TGFBR3: variants seen among roughly 807,000 people sequenced by gnomAD.
TGFBR3 encodes the protein transforming growth factor beta receptor 3.
TGFBR3 carries 46 observed loss-of-function variants against 87.9 expected under a neutral mutation model. The observed-to-expected ratio is 0.52, with a 90% CI of 0.41 to 0.67. The LOEUF is 0.67. Among genes scored for constraint, TGFBR3 ranks in the 30% least tolerant of loss-of-function variants. The pLI is 0.00. For synonymous variants in TGFBR3, 381 were observed against 391.6 expected, an observed-to-expected ratio of 0.97 and a Z score of 0.32; for missense variants, 866 against 1,041.9, an observed-to-expected ratio of 0.83 and a Z score of 2.32.
At chr1:91,754,420 A>G (rs1052584983) in intron 4 of TGFBR3, among the ~76,000 whole-genome samples, 4 of 152,198 alleles carry the variant, frequency 2.6e-5, no homozygotes, top group Non-Finnish European at 5.9e-5. Context: ...TACACCCTGC[A>G]AAAGGAAAAC....
At position 91,797,366 on chromosome 1, in the gene TGFBR3, C is replaced by T. The variant is rs1675430783; in HGVS notation, c.167G>A (p.Gly56Asp). ...FTVLSGCASR[G>D]TTGLPQEVHV... ...CACCTCCTGTGGCAGCCCAGTTGTG[C>T]CTCTGCTGGCACAGCCTGACAAAAC... is the stretch of plus-strand genomic sequence containing the variant. Residue 56 changes from glycine to aspartate, a missense_variant, in exon 3 of 17, where the codon GGC (glycine) becomes GAC (aspartate). Coordinates refer to ENST00000212355, the MANE Select transcript of TGFBR3 (RefSeq NM_003243.5). 2 of 1,614,228 alleles carry T rather than the reference C, an allele frequency of 1.2e-6. No individual in the cohort carries two copies. The highest frequency in any genetic ancestry group is 8.5e-7 in the Non-Finnish European group (1 of 1,180,034).
intron 3 of TGFBR3, among the ~76,000 whole-genome samples, chr1:91,785,026 G>A (rs1467894918): frequency 6.6e-6 from 1 of 152,230 alleles, no homozygotes; most frequent in Non-Finnish European, 1.5e-5. Flanking sequence ...GGCAGCCATA[G>A]ACAACATATT....
chr1:91,803,246 C>T (rs1195067598), intron 2 of TGFBR3, among the ~76,000 whole-genome samples: 1 of 152,204 alleles, frequency 6.6e-6, no homozygotes, highest in East Asian at 1.9e-4. Flanking sequence ...CTCACTGTCT[C>T]CCTATAGCCA....
intron 2 of TGFBR3, among the ~76,000 whole-genome samples, chr1:91,819,965 T>C (rs1452793036): frequency 6.6e-6 from 1 of 152,234 alleles, no homozygotes; most frequent in Non-Finnish European, 1.5e-5. Context: ...AGCCACAGTC[T>C]TTCTCAGTCT....
intron 4 of TGFBR3, among the ~76,000 whole-genome samples, chr1:91,755,411 C>T (rs920763811): frequency 6.6e-6 from 1 of 152,100 alleles, no homozygotes; most frequent in Non-Finnish European, 1.5e-5. Flanking sequence ...GATGTTCCAT[C>T]GTCTCTTCCA....
rs186980840 is a variant in TGFBR3, at chr1:91,681,750, T to G, written c.*1989A>C. On this transcript the variant is annotated 3_prime_UTR_variant, in exon 17 of 17. Transcript: ENST00000212355. ...TAGTAAAATATAGCTATAAGTGACT[T>G]AAAGACTCTAGTCTTCTTTGAAGAC... 159 of 441,208 alleles carry G rather than the reference T, an allele frequency of 3.6e-4. No homozygotes were observed. Among genetic ancestry groups the G allele is most frequent in the African/African-American group, 3.2e-3 (156 of 49,234 alleles). The allele number at this position is 441,208 out of a possible 1,614,324, so 27.3% of individuals were successfully genotyped here. A position where few individuals can be genotyped will look rare whatever the true frequency, so the allele number is the denominator to read the frequency against.
At chr1:91,897,042 G>C (rs750416761) in intron 2 of TGFBR3, among the ~76,000 whole-genome samples, 9 of 151,706 alleles carry the variant, frequency 5.9e-5, no homozygotes, top group Non-Finnish European at 1.2e-4. Flanking sequence ...AATACCTCCA[G>C]GTTCAACTCA....
intron 2 of TGFBR3, among the ~76,000 whole-genome samples, chr1:91,858,610 C>CAAAA (rs58608714): frequency 3.8e-5 from 3 of 78,314 alleles, no homozygotes; most frequent in African/African-American, 5.4e-5. Context: ...GACTCTGTCT[C>CAAAA]AAAAAAAAAA....
At chr1:91,819,676 A>G (rs1337440798) in intron 2 of TGFBR3, among the ~76,000 whole-genome samples, 2 of 152,144 alleles carry the variant, frequency 1.3e-5, no homozygotes, top group African/African-American at 4.8e-5. Context: ...CAGCATAGCC[A>G]CTATCCTGAA....
chr1:91,901,901 G>A (rs1197733327), intron 1 of TGFBR3, among the ~76,000 whole-genome samples: 1 of 147,208 alleles, frequency 6.8e-6, no homozygotes, highest in Non-Finnish European at 1.5e-5. Flanking sequence ...GGGCAACAGA[G>A]CAACAAAGCA....
chr1:91,698,963 T>C, intron 14 of TGFBR3, among the ~76,000 whole-genome samples: 1 of 149,836 alleles, frequency 6.7e-6, no homozygotes, highest in Admixed American at 6.6e-5. Flanking sequence ...CCCCCAATTA[T>C]TTCCTCCTCC....
intron 4 of TGFBR3, among the ~76,000 whole-genome samples, chr1:91,750,741 G>T (rs1001320511): frequency 2.0e-5 from 3 of 152,166 alleles, no homozygotes; most frequent in African/African-American, 4.8e-5. Context: ...GTATATCCGG[G>T]TCCCTGGAAT....
At chr1:91,832,046 A>G (rs1676870969) in intron 2 of TGFBR3, among the ~76,000 whole-genome samples, 1 of 152,208 alleles carries the variant, frequency 6.6e-6, no homozygotes, top group Non-Finnish European at 1.5e-5. Flanking sequence ...AGTGAATCTA[A>G]TAATAGAGCA....
chr1:91,721,937 A>T lies in TGFBR3; in HGVS notation c.1075+18T>A. On this transcript the variant is annotated intron_variant, in intron 8 of 16. Transcript: ENST00000212355. ...TTGGGGGGTATTTTTTACATAACTTAAAAAACTTCTAACTTACCATTATTT... is the reference window on the plus strand; with the variant it reads ...TTGGGGGGTATTTTTTACATAACTTTAAAAACTTCTAACTTACCATTATTT... 2 of 1,611,078 alleles carry T rather than the reference A, an allele frequency of 1.2e-6. No individual in the cohort carries two copies. The highest frequency in any genetic ancestry group is 8.5e-7 in the Non-Finnish European group (1 of 1,178,292).
rs768305985 is a variant in TGFBR3, at chr1:91,682,428, C to G, written c.*1311G>C. The G allele has an allele frequency of 3.0e-6, 1 of 331,454 alleles. No individual in the cohort carries two copies. Among genetic ancestry groups the G allele is most frequent in the East Asian group, 8.8e-5 (1 of 11,372 alleles). The allele number at this position is 331,454 out of a possible 1,614,324, so 20.5% of individuals were successfully genotyped here. ...TCTTTTTTTTTTTTTTTTTTTTTAA[C>G]AAGGAGGTATCACTGAGCTTATTTT... On this transcript the variant is annotated 3_prime_UTR_variant, in exon 17 of 17. Coordinates refer to ENST00000212355, the MANE Select transcript of TGFBR3 (RefSeq NM_003243.5).
intron 13 of TGFBR3, among the ~76,000 whole-genome samples, chr1:91,710,673 T>A (rs1208503970): frequency 6.6e-6 from 1 of 152,156 alleles, no homozygotes; most frequent in Non-Finnish European, 1.5e-5. Context: ...CTCTGCCAGA[T>A]AAAGGGCTGT....
intron 3 of TGFBR3, among the ~76,000 whole-genome samples, chr1:91,773,984 T>G (rs1446367469): frequency 1.3e-5 from 2 of 152,212 alleles, no homozygotes; most frequent in African/African-American, 4.8e-5. Flanking sequence ...CCACTTAGTC[T>G]TTTACATTTG....
chr1:91,850,667 C>G (rs568225015), intron 2 of TGFBR3, among the ~76,000 whole-genome samples: 71 of 151,512 alleles, frequency 4.7e-4, no homozygotes, highest in African/African-American at 1.5e-3. Flanking sequence ...TGTAGTCCCA[C>G]CTACATAGGA....
intron 13 of TGFBR3, among the ~76,000 whole-genome samples, chr1:91,710,455 A>T (rs1205651829): frequency 6.6e-6 from 1 of 152,078 alleles, no homozygotes; most frequent in Non-Finnish European, 1.5e-5. Context: ...AACTCAGTGG[A>T]GTGTGACCCT....
Sources: allele counts gnomAD v4.1 joint callset (sites outside exome capture counted in the v4.1 genomes callset), GRCh38; gene constraint gnomAD v4.1.1; transcripts MANE v1.5; gene names NCBI Gene and HGNC (gene_info 2026-07-23, HGNC 2026-07-21).